SLC13A1: variants seen among roughly 807,000 people sequenced by gnomAD.
SLC13A1 encodes the protein Na(+)/sulfate cotransporter.
In SLC13A1, 65 loss-of-function variants were observed where a neutral mutation model predicts 70.0. That is an observed-to-expected ratio of 0.93 (90% CI 0.76 to 1.14). The LOEUF (loss-of-function observed/expected upper bound fraction) is 1.14. Among genes scored for constraint, SLC13A1 ranks in the 50% most tolerant of loss-of-function variants. SLC13A1 has a pLI of 0.00. For missense variants in SLC13A1, 726 were observed against 717.8 expected, an observed-to-expected ratio of 1.01 and a Z score of -0.13; for synonymous variants, 275 against 250.5, an observed-to-expected ratio of 1.10 and a Z score of -0.92.
At chr7:123,134,599 A>G in intron 7 of SLC13A1, 70 bp from the exon 8 acceptor site, 2 of 1,461,876 alleles carry the variant, frequency 1.4e-6, no homozygotes, top group Non-Finnish European at 1.9e-6. Context: ...TGTCACAGGG[A>G]AGCAGCAGTC....
intron 10 of SLC13A1, among the ~76,000 whole-genome samples, chr7:123,127,260 A>G (rs560578828): frequency 1.0e-3 from 154 of 152,234 alleles, no homozygotes; most frequent in Middle Eastern, 3.4e-3. Context: ...TGTAGGTGGC[A>G]TGAGTGCCTG....
At chr7:123,198,771 A>G (rs865879540) in intron 1 of SLC13A1, among the ~76,000 whole-genome samples, 4 of 152,000 alleles carry the variant, frequency 2.6e-5, no homozygotes, top group African/African-American at 9.7e-5. Flanking sequence ...CTCGATTAGT[A>G]CTTGTTAGAG....
At chr7:123,188,308 C>A (rs1270691772) in intron 1 of SLC13A1, among the ~76,000 whole-genome samples, 1 of 152,184 alleles carries the variant, frequency 6.6e-6, no homozygotes, top group African/African-American at 2.4e-5. Flanking sequence ...GTCAATTAAA[C>A]CTCATTCCTT....
intron 2 of SLC13A1, among the ~76,000 whole-genome samples, chr7:123,177,302 A>G (rs1795480074): frequency 6.6e-6 from 1 of 152,166 alleles, no homozygotes; most frequent in South Asian, 2.1e-4. Flanking sequence ...AATACATTCA[A>G]TATCTCTACT....
chr7:123,193,937 A>G (rs1185154827), intron 1 of SLC13A1, among the ~76,000 whole-genome samples: 1 of 152,062 alleles, frequency 6.6e-6, no homozygotes, highest in Non-Finnish European at 1.5e-5. Context: ...CCCCTCTTTC[A>G]TCAACCTCTT....
At chr7:123,197,235 A>T (rs1420989205) in intron 1 of SLC13A1, among the ~76,000 whole-genome samples, 1 of 152,158 alleles carries the variant, frequency 6.6e-6, no homozygotes, top group Non-Finnish European at 1.5e-5. Context: ...CAGGAAAATG[A>T]AGGAAAGAAA....
In SLC13A1 at chr7:123,125,604, T is replaced by C; in HGVS notation, c.1205A>G (p.Lys402Arg). 1 of 1,613,084 alleles carries C rather than the reference T, an allele frequency of 6.2e-7. No homozygotes were observed. Among genetic ancestry groups the C allele is most frequent in the South Asian group, 1.1e-5 (1 of 90,994 alleles). ...IGLLFFLIPA[K>R]TLTKTTPTGE... The stretch of plus-strand genomic sequence containing the variant: ...TGTAGGTGTAGTTTTAGTCAGTGTC[T>C]TAGCTGGGATAAGAAAGAATAGCAG... Residue 402 changes from lysine to arginine, a missense_variant, in exon 11 of 15, where the codon AAG becomes AGG. Physicochemically the swap from Lys to Arg is conservative, Grantham distance 26. Coordinates refer to ENST00000194130, the MANE Select transcript of SLC13A1 (RefSeq NM_022444.4).
At chr7:123,169,432 G>C (rs1434238583) in intron 3 of SLC13A1, 97 bp from the exon 4 acceptor site, 1 of 1,113,936 alleles carries the variant, frequency 9.0e-7, no homozygotes, top group Non-Finnish European at 1.3e-6. Context: ...TTTGTGAGTT[G>C]GGAAATTAAG....
At chr7:123,129,720 T>C (rs950610141) in intron 8 of SLC13A1, among the ~76,000 whole-genome samples, 2 of 152,172 alleles carry the variant, frequency 1.3e-5, no homozygotes, top group East Asian at 3.8e-4. Context: ...TGTTCAATTT[T>C]CATTGCATAT....
rs914188763 is a variant in SLC13A1 at position 123,144,741 on chromosome 7, C to T, written c.812+2418G>A. ...TGCTTTGACCTAAAGCACATTTACA[C>T]GTCAAGGTTGACTCTTAGGAAGAGT... On this transcript the variant is annotated intron_variant, in intron 7 of 14. Transcript: ENST00000194130. Among the ~76,000 whole-genome samples the T allele has an allele frequency of 3.9e-5, 6 of 152,100 alleles. No homozygotes were observed. In the East Asian group the frequency reaches 5.8e-4, roughly 15 times the overall value.
intron 7 of SLC13A1, among the ~76,000 whole-genome samples, chr7:123,145,032 G>T (rs967327733): frequency 1.1e-4 from 17 of 152,138 alleles, no homozygotes; most frequent in African/African-American, 3.9e-4. Flanking sequence ...TTTTGTGTGT[G>T]TGTACTTCCA....
chr7:123,183,410 C>T (rs912427114), intron 1 of SLC13A1, among the ~76,000 whole-genome samples: 1 of 152,116 alleles, frequency 6.6e-6, no homozygotes, highest in African/African-American at 2.4e-5. Flanking sequence ...TAGAGATTGA[C>T]TTGTATTTTT....
intron 7 of SLC13A1, among the ~76,000 whole-genome samples, chr7:123,145,847 G>A (rs1482540833): frequency 6.6e-6 from 1 of 152,104 alleles, no homozygotes; most frequent in African/African-American, 2.4e-5. Context: ...TTTGAGTCTT[G>A]TATTTCTTAG....
rs1459494296 is a variant in SLC13A1 at position 123,125,621 on chromosome 7, G to A, written c.1188C>T (p.Phe396=). ...TCAGTGTCTTAGCTGGGATAAGAAA[G>A]AATAGCAGCCCTATAAGTAAAGCAA... is the stretch of plus-strand genomic sequence containing the variant. ...STVALLIGLL[F]FLIPAKTLTK... Residue 396 remains phenylalanine, a synonymous_variant, in exon 11 of 15, where the codon TTC becomes TTT. Transcript: ENST00000194130. 1.2e-6 allele frequency: 2 copies of A among 1,613,362 alleles called. No individual in the cohort carries two copies. Among genetic ancestry groups the A allele is most frequent in the East Asian group, 2.2e-5 (1 of 44,844 alleles).
chr7:123,129,268 TG>T (rs1793668338), intron 9 of SLC13A1, 114 bp downstream of exon 9: 2 of 888,142 alleles, frequency 2.3e-6, no homozygotes, highest in Admixed American at 5.2e-5. Flanking sequence ...CAAGCAATTA[TG>T]TGCTTGTTTG....
At chr7:123,146,973 A>G (rs940698409) in intron 7 of SLC13A1, among the ~76,000 whole-genome samples, 186 bp downstream of exon 7, 2 of 152,210 alleles carry the variant, frequency 1.3e-5, no homozygotes, top group African/African-American at 4.8e-5. Context: ...AAGTTAATTC[A>G]GTATTCCCTG....
intron 8 of SLC13A1, among the ~76,000 whole-genome samples, chr7:123,131,396 T>C (rs944517228): frequency 6.6e-6 from 1 of 152,234 alleles, no homozygotes. Flanking sequence ...ATTGCATATA[T>C]AGTTTATCAT....
intron 10 of SLC13A1, among the ~76,000 whole-genome samples, chr7:123,126,709 C>T (rs1793574090): frequency 6.6e-6 from 1 of 152,010 alleles, no homozygotes; most frequent in South Asian, 2.1e-4. Context: ...TCTTTCATTA[C>T]TAGTTAAAAA....
chr7:123,167,337 T>C (rs1457751342), intron 6 of SLC13A1, among the ~76,000 whole-genome samples: 2 of 152,230 alleles, frequency 1.3e-5, no homozygotes, highest in African/African-American at 4.8e-5. Flanking sequence ...TAAATATATA[T>C]GCAATTCCCA....
Sources: gnomAD v4.1 joint callset for allele counts (sites outside exome capture counted in the v4.1 genomes callset) on GRCh38, gnomAD v4.1.1 for gene constraint, MANE v1.5 for transcripts, NCBI Gene and HGNC (gene_info 2026-07-23, HGNC 2026-07-21) for gene names.